SLC13A4: variants seen among roughly 807,000 people sequenced by gnomAD.
SLC13A4 encodes Na(+)/sulfate cotransporter SUT-1.
In SLC13A4, 28 loss-of-function variants were observed where a neutral mutation model predicts 72.7. The observed-to-expected ratio is 0.39, with a 90% CI of 0.29 to 0.53. SLC13A4 has a LOEUF of 0.53. SLC13A4 is among the 20% of genes least tolerant of loss of function. The probability of loss-of-function intolerance (pLI) is 0.78; values close to 1 mark genes in which losing one functional copy is unlikely to be tolerated. For synonymous variants in SLC13A4, 312 were observed against 325.5 expected, an observed-to-expected ratio of 0.96 and a Z score of 0.45; for missense variants, 653 against 788.0, an observed-to-expected ratio of 0.83 and a Z score of 2.05.
At chr7:135,690,180 CAAAAAAAA>C (rs57390577) in intron 13 of SLC13A4, among the ~76,000 whole-genome samples, 39 of 29,630 alleles carry the variant, frequency 1.3e-3, no homozygotes, top group African/African-American at 3.4e-3. Flanking sequence ...GACTCTGTCT[CAAAAAAAA>C]AAAAAAAAAA....
intron 5 of SLC13A4, chr7:135,703,425 G>C (rs1584728781): frequency 6.4e-6 from 1 of 155,480 alleles, no homozygotes; most frequent in Non-Finnish European, 1.4e-5. Flanking sequence ...ATCTAGAAAG[G>C]GGAACTTGTG....
At chr7:135,703,125 C>T (rs1160500795) in intron 5 of SLC13A4, 3 of 551,460 alleles carry the variant, frequency 5.4e-6, no homozygotes, top group Non-Finnish European at 9.7e-6. Context: ...TTGATATTAA[C>T]AATCGTCCTA....
chr7:135,719,500 G>T (rs1428061468), intron 2 of SLC13A4, among the ~76,000 whole-genome samples: 1 of 152,070 alleles, frequency 6.6e-6, no homozygotes, highest in African/African-American at 2.4e-5. Context: ...ATTTTAAAGA[G>T]AAGCCTGGAG....
chr7:135,712,142 A>G (rs1197894782), intron 2 of SLC13A4, among the ~76,000 whole-genome samples: 1 of 151,332 alleles, frequency 6.6e-6, no homozygotes, highest in African/African-American at 2.4e-5. Context: ...CACATTTTTT[A>G]TCTTCATTTA....
intron 6 of SLC13A4, chr7:135,701,966 G>C: frequency 2.0e-6 from 1 of 503,806 alleles, no homozygotes; most frequent in Non-Finnish European, 3.5e-6. Flanking sequence ...ACTTGAAGAG[G>C]CTTTGAAACT....
In SLC13A4 at chr7:135,692,396, A is replaced by C; in HGVS notation, c.1150T>G (p.Phe384Val). 1 of 1,613,398 alleles carries C rather than the reference A, an allele frequency of 6.2e-7. No homozygotes were observed. Among genetic ancestry groups the C allele is most frequent in the Non-Finnish European group, 8.5e-7 (1 of 1,179,784 alleles). Residue 384 changes from phenylalanine (F) to valine (V), a missense_variant, in exon 11 of 16, where the codon TTC becomes GTC. Transcript: ENST00000682651. ...SYPEMVTGFF[F>V]ILMTVLWFTR... ...AACCACAGTACGGTCATCAGGATGA[A>C]GAAAAATCCAGTCACCATTTCTGGG...
In SLC13A4 at chr7:135,727,549, G is replaced by T. The variant is rs758920992; in HGVS notation, c.-53C>A. On this transcript the variant is annotated 5_prime_UTR_variant, in exon 1 of 16. Transcript: ENST00000682651. ...TTGGACCCCGCTCTGCCGGCGAAAG[G>T]CTTCCTGCCTGGGCACTGCTCTCTA... is the stretch of plus-strand genomic sequence containing the variant. The T allele has an allele frequency of 1.6e-5, 24 of 1,520,136 alleles. No homozygotes were observed. In the Admixed American group the frequency reaches 2.0e-4, roughly 13 times the overall value. 94.2% of individuals were successfully genotyped at this position (1,520,136 alleles called of 1,614,324 possible).
chr7:135,718,281 G>C (rs3110814), intron 2 of SLC13A4, among the ~76,000 whole-genome samples: 45,972 of 151,822 alleles, frequency 0.3, 7,412 homozygotes, highest in African/African-American at 0.38. Flanking sequence ...ATGTAGAACT[G>C]AGAAAATACT....
chr7:135,718,069 C>A (rs1387060767), intron 2 of SLC13A4, among the ~76,000 whole-genome samples: 1 of 89,916 alleles, frequency 1.1e-5, no homozygotes, highest in Non-Finnish European at 2.0e-5. Context: ...GAGCCAATTC[C>A]TACACACACA....
At chr7:135,696,388 G>A (rs893771425) in intron 8 of SLC13A4, among the ~76,000 whole-genome samples, 5 of 151,310 alleles carry the variant, frequency 3.3e-5, no homozygotes, top group African/African-American at 4.9e-5. Context: ...TTGCTCTGTC[G>A]CTTAGGCTGG....
rs1584719479 is a variant in SLC13A4 at position 135,691,946 on chromosome 7, A to G, written c.1224-301T>C. On this transcript the variant is annotated intron_variant, in intron 11 of 15. Coordinates refer to ENST00000682651, the MANE Select transcript of SLC13A4 (RefSeq NM_001318192.2). ...TGGAGTTGGTTAGATAAAGGAGAAT[A>G]GAAGAGGATGAGACCTCTTTCCTAT... is the stretch of plus-strand genomic sequence containing the variant. The G allele has an allele frequency of 1.4e-5, 6 of 420,408 alleles. No homozygotes were observed. The East Asian group carries it at 2.3e-4, about 16-fold the overall frequency. 26.0% of individuals were successfully genotyped at this position (420,408 alleles called of 1,614,324 possible).
chr7:135,704,786 A>G (rs1390575834), intron 5 of SLC13A4: 1 of 152,216 alleles, frequency 6.6e-6, no homozygotes, highest in Non-Finnish European at 1.5e-5. Flanking sequence ...CCAATATGCT[A>G]TGATTGAAGA....
At chr7:135,686,001 A>T (rs1795614043) in intron 13 of SLC13A4, among the ~76,000 whole-genome samples, 1 of 152,184 alleles carries the variant, frequency 6.6e-6, no homozygotes, top group African/African-American at 2.4e-5. Flanking sequence ...TTGCTCCTCA[A>T]CTTCAGTCTC....
chr7:135,686,018 C>A (rs1021529198), intron 13 of SLC13A4, among the ~76,000 whole-genome samples: 4 of 152,258 alleles, frequency 2.6e-5, no homozygotes, highest in Non-Finnish European at 5.9e-5. Context: ...TCTCGTTACC[C>A]TTTCTCTAGC....
At chr7:135,699,225 C>G in intron 8 of SLC13A4, 139 bp downstream of exon 8, 1 of 857,720 alleles carries the variant, frequency 1.2e-6, no homozygotes, top group Admixed American at 3.4e-5. Flanking sequence ...CAGATATGAG[C>G]CACTGTGCTC....
At chr7:135,695,520 A>G in intron 8 of SLC13A4, 33 bp from the exon 9 acceptor site, 1 of 1,605,410 alleles carries the variant, frequency 6.2e-7, no homozygotes, top group South Asian at 1.1e-5. Flanking sequence ...AGCAATTAGA[A>G]AGGGAGGGTT....
Position 135,719,813 on chromosome 7 carries a change from G to GTATGTGTGTA in SLC13A4, c.228+1581_228+1582insTACACACATA, listed in dbSNP as rs59771869. Among the ~76,000 whole-genome samples the GTATGTGTGTA allele has an allele frequency of 4.6e-3, 679 of 146,532 alleles. 5 individuals are homozygous for GTATGTGTGTA. Among genetic ancestry groups the GTATGTGTGTA allele is most frequent in the African/African-American group, 0.017 (652 of 37,374 alleles). ...TGTGTGTGTGTGTGTATGTGTGTGT[G>GTATGTGTGTA]TGTGTGTGTGTGTGTATAGCCACAC... is the stretch of plus-strand genomic sequence containing the variant. On this transcript the variant is annotated intron_variant, in intron 2 of 15. Coordinates refer to ENST00000682651, the MANE Select transcript of SLC13A4 (RefSeq NM_001318192.2).
Position 135,727,488 on chromosome 7 carries a change from C to A in SLC13A4, c.9G>T (p.Leu3=). The change falls in exon 1 of 16, where the codon CTG becomes CTT. Residue 3 remains leucine, a synonymous_variant. Coordinates refer to ENST00000682651, the MANE Select transcript of SLC13A4 (RefSeq NM_001318192.2). ...TCCGGACTCGGAGCAGGCCCTGCAGCAGGCCCATCGCGCCTCTGTCCTCTC... is the reference window on the plus strand; with the variant it reads ...TCCGGACTCGGAGCAGGCCCTGCAGAAGGCCCATCGCGCCTCTGTCCTCTC... MG[L]LQGLLRVRKL... 6.4e-7 allele frequency: 1 copy of A among 1,550,456 alleles called. No homozygotes were observed. The highest frequency in any genetic ancestry group is 8.7e-7 in the Non-Finnish European group (1 of 1,146,754).
rs57959574 is a variant in SLC13A4 at position 135,693,126 on chromosome 7, T to C, written c.1122-702A>G. On this transcript the variant is annotated intron_variant, in intron 10 of 15. Transcript: ENST00000682651. Reference sequence around the variant, plus strand: ...AAAAAAAAAAAAAAAAAAAAAAAAATAGTTGGTCATTCCCATCATCTAACC... The same window carrying C: ...AAAAAAAAAAAAAAAAAAAAAAAAACAGTTGGTCATTCCCATCATCTAACC... 5 of 84,076 alleles carry C rather than the reference T, an allele frequency of 5.9e-5. No individual in the cohort carries two copies. In the East Asian group the frequency reaches 1.5e-3, roughly 25 times the overall value. 5.2% of individuals were successfully genotyped at this position (84,076 alleles called of 1,614,324 possible).
Sources: gnomAD v4.1 joint callset for allele counts (sites outside exome capture counted in the v4.1 genomes callset) on GRCh38, gnomAD v4.1.1 for gene constraint, MANE v1.5 for transcripts, NCBI Gene and HGNC (gene_info 2026-07-23, HGNC 2026-07-21) for gene names.